Variants in INPP5A observed in about 807,000 individuals in gnomAD.
INPP5A encodes 43 kDa inositol polyphosphate 5-phophatase.
A neutral mutation model predicts 65.2 loss-of-function variants in INPP5A; 14 were observed. That is an observed-to-expected ratio of 0.21 (90% CI 0.14 to 0.34). The LOEUF (loss-of-function observed/expected upper bound fraction) is 0.34, where lower values mean the gene tolerates loss of function less well. Among genes scored for constraint, INPP5A ranks in the 10% least tolerant of loss-of-function variants. The probability of loss-of-function intolerance (pLI) is 1.00; values close to 1 mark genes in which losing one functional copy is unlikely to be tolerated. For synonymous variants in INPP5A, 207 were observed against 208.3 expected (o/e 0.99, Z 0.05); for missense variants, 431 against 545.6 (o/e 0.79, Z 2.09).
chr10:132,542,218 C>A (rs2070915499), intron 1 of INPP5A, among the ~76,000 whole-genome samples: 1 of 152,260 alleles, frequency 6.6e-6, no homozygotes, highest in South Asian at 2.1e-4. Flanking sequence ...AGCCAGTTTG[C>A]CTTTTTGCTT....
intron 9 of INPP5A, among the ~76,000 whole-genome samples, chr10:132,746,436 G>A (rs1347568147): frequency 2.0e-5 from 3 of 152,176 alleles, no homozygotes; most frequent in Non-Finnish European, 4.4e-5. Flanking sequence ...ACATTGGGGC[G>A]ACTCTGCCTG....
intron 4 of INPP5A, among the ~76,000 whole-genome samples, chr10:132,652,905 C>A (rs573778594): frequency 6.6e-6 from 1 of 152,304 alleles, no homozygotes; most frequent in South Asian, 2.1e-4. Flanking sequence ...TCAGAGCTCA[C>A]TTAGACGCGA....
intron 4 of INPP5A, among the ~76,000 whole-genome samples, chr10:132,680,671 T>C (rs2767425): frequency 2.0e-4 from 30 of 150,958 alleles, no homozygotes; most frequent in East Asian, 5.8e-4. Flanking sequence ...GGAGAGGCGC[T>C]AGCGGGAACC....
intron 3 of INPP5A, among the ~76,000 whole-genome samples, chr10:132,649,808 G>A (rs891455879): frequency 1.3e-5 from 2 of 152,186 alleles, no homozygotes; most frequent in Non-Finnish European, 2.9e-5. Flanking sequence ...CATGCTTTGC[G>A]GAGATGGTGG....
At chr10:132,685,432 T>A (rs1205056054) in intron 4 of INPP5A, among the ~76,000 whole-genome samples, 2 of 152,284 alleles carry the variant, frequency 1.3e-5, no homozygotes, top group Non-Finnish European at 2.9e-5. Context: ...GAGCAGAGTG[T>A]GTGCTCATGT....
intron 4 of INPP5A, among the ~76,000 whole-genome samples, chr10:132,669,334 G>A (rs1046493818): frequency 9.2e-5 from 14 of 152,296 alleles, no homozygotes; most frequent in African/African-American, 2.6e-4. Context: ...AGGTGTTGCC[G>A]GGCCAGGCCT....
chr10:132,721,699 G>T (rs1845885658), intron 8 of INPP5A, among the ~76,000 whole-genome samples: 1 of 143,520 alleles, frequency 7.0e-6, no homozygotes, highest in Admixed American at 6.7e-5. Context: ...GGGTTCTGTG[G>T]TGCCTGGGTT....
chr10:132,776,621 A>T (rs1355838038), intron 12 of INPP5A, among the ~76,000 whole-genome samples: 1 of 152,218 alleles, frequency 6.6e-6, no homozygotes, highest in Non-Finnish European at 1.5e-5. Context: ...GAGACGCTGC[A>T]CTTAGGGGCA....
chr10:132,775,110 A>G (rs1206455759), intron 12 of INPP5A, among the ~76,000 whole-genome samples: 1 of 7,110 alleles, frequency 1.4e-4, no homozygotes, highest in Non-Finnish European at 2.6e-4. Flanking sequence ...ACAGGCAGGG[A>G]GGAGGGGCAG....
At chr10:132,765,705 C>T in intron 11 of INPP5A, 68 bp from the exon 12 acceptor site, 1 of 921,546 alleles carries the variant, frequency 1.1e-6, no homozygotes, top group Admixed American at 1.7e-5. Flanking sequence ...CCCAGCTGCA[C>T]ACAGACACAC....
At chr10:132,752,997 C>A in intron 11 of INPP5A, among the ~76,000 whole-genome samples, 1 of 152,052 alleles carries the variant, frequency 6.6e-6, no homozygotes. Flanking sequence ...GTCGGGAGTC[C>A]CATGTGGAAA....
chr10:132,653,822 G>A (rs1156606858), intron 4 of INPP5A, among the ~76,000 whole-genome samples: 1 of 152,148 alleles, frequency 6.6e-6, no homozygotes, highest in Non-Finnish European at 1.5e-5. Context: ...AGCCTTCAGC[G>A]CGGGGAGCAC....
intron 1 of INPP5A, among the ~76,000 whole-genome samples, chr10:132,563,795 C>G (rs2071237127): frequency 6.6e-6 from 1 of 152,124 alleles, no homozygotes; most frequent in African/African-American, 2.4e-5. Flanking sequence ...TGAGACAGCC[C>G]CGGGGGATTT....
intron 9 of INPP5A, among the ~76,000 whole-genome samples, chr10:132,743,564 A>G (rs2803991): frequency 0.24 from 36,739 of 150,454 alleles, 4,521 homozygotes; most frequent in African/African-American, 0.27. Context: ...TTGTCCCGTG[A>G]GTATCAATTG....
At chr10:132,730,878 A>G (rs2134593173) in intron 9 of INPP5A, among the ~76,000 whole-genome samples, 1 of 152,232 alleles carries the variant, frequency 6.6e-6, no homozygotes, top group East Asian at 1.9e-4. Context: ...TTTTCACTTC[A>G]TTTCATTTTA....
At chr10:132,596,935 G>GCATGTGTGCATGTGTGCGCA (rs1554932704) in intron 1 of INPP5A, among the ~76,000 whole-genome samples, 3,899 of 26,044 alleles carry the variant, frequency 0.15, 78 homozygotes, top group Admixed American at 0.18. Context: ...GCATGTGCAC[G>GCATGTGTGCATGTGTGCGCA]CATGTGTGCG....
intron 8 of INPP5A, among the ~76,000 whole-genome samples, chr10:132,712,498 G>A (rs1845659266): frequency 6.6e-6 from 1 of 150,892 alleles, no homozygotes; most frequent in Non-Finnish European, 1.5e-5. Flanking sequence ...CTATTTGGGT[G>A]TGTGCACACT....
chr10:132,728,287 T>C (rs1400425315), intron 9 of INPP5A, among the ~76,000 whole-genome samples: 1 of 152,228 alleles, frequency 6.6e-6, no homozygotes, highest in Non-Finnish European at 1.5e-5. Flanking sequence ...CGAAGTCCTT[T>C]CCATCCCGCT....
rs534842880 is a variant in INPP5A, at chr10:132,546,235, C to T, written c.75+8064C>T. ...CTAGGGTGATGGCGCTCCCAGCCCG[C>T]GGGGGTCTTGGCGTTGGCGCAGAAG... On this transcript the variant is annotated intron_variant, in intron 1 of 15. Transcript: ENST00000368594. The surrounding 1 kb of genome is among the most constrained non-coding windows in gnomAD (Gnocchi z 5.7). 2.3e-3 allele frequency among the ~76,000 whole-genome samples: 357 copies of T among 152,336 alleles called. 2 individuals are homozygous for T. Among genetic ancestry groups the T allele is most frequent in the African/African-American group, 7.7e-3 (321 of 41,578 alleles).
Sources: gnomAD v4.1 joint callset for allele counts (sites outside exome capture counted in the v4.1 genomes callset) on GRCh38, gnomAD v4.1.1 for gene constraint, Gnocchi (gnomAD v3.1) non-coding constraint, MANE v1.5 for transcripts, NCBI Gene and HGNC (gene_info 2026-07-23, HGNC 2026-07-21) for gene names.